The following EYA1 variants were observed in gnomAD, a reference collection of about 807,000 sequenced individuals.
EYA1 encodes the protein EYA transcriptional coactivator and phosphatase 1.
In EYA1, 16 loss-of-function variants were observed where a neutral mutation model predicts 82.0. That is an observed-to-expected ratio of 0.20 (90% confidence interval 0.13 to 0.30). The LOEUF (loss-of-function observed/expected upper bound fraction) is 0.30, where lower values mean the gene tolerates loss of function less well. Ranked by LOEUF, EYA1 falls within the 10% of genes least tolerant of loss-of-function variation. The pLI, the probability that EYA1 is intolerant of heterozygous loss-of-function variation, is 1.00. For missense variants in EYA1, 633 were observed against 730.7 expected (o/e 0.87, Z 1.54); for synonymous variants, 261 against 264.4 (o/e 0.99, Z 0.12).
At chr8:71,317,216 T>C (rs955380754) in intron 7 of EYA1, among the ~76,000 whole-genome samples, 1 of 152,222 alleles carries the variant, frequency 6.6e-6, no homozygotes, top group African/African-American at 2.4e-5. Flanking sequence ...GTACATGCCA[T>C]ATCACAACCT....
intron 11 of EYA1, among the ~76,000 whole-genome samples, chr8:71,269,380 T>C (rs1816242344): frequency 6.6e-6 from 1 of 152,168 alleles, no homozygotes; most frequent in African/African-American, 2.4e-5. Flanking sequence ...ATTTGCTCCA[T>C]TAAATGTTAG....
In EYA1 at chr8:71,412,431, A is replaced by T. The variant is rs866531424; in HGVS notation, c.34-55920T>A. Among the ~76,000 whole-genome samples, 812 of 151,170 alleles carry T rather than the reference A, an allele frequency of 5.4e-3. 6 individuals carry two copies. Among genetic ancestry groups the T allele is most frequent in the African/African-American group, 0.018 (758 of 41,430 alleles). On this transcript the variant is annotated intron_variant, in intron 2 of 18. Coordinates refer to the EYA1 transcript ENST00000643681. ...AAAAATAAAATAAAATAAAATAAAA[A>T]AAAGAAATTGTTGTTCATTTATCTT...
chr8:71,518,130 C>A (rs915077562), intron 2 of EYA1, among the ~76,000 whole-genome samples: 4 of 152,020 alleles, frequency 2.6e-5, no homozygotes, highest in Admixed American at 1.3e-4. Flanking sequence ...ATTGTACAAT[C>A]ATAGAGGATA....
At chr8:71,211,973 G>A (rs976133077) in intron 16 of EYA1, among the ~76,000 whole-genome samples, 2 of 152,140 alleles carry the variant, frequency 1.3e-5, no homozygotes, top group Admixed American at 1.3e-4. Flanking sequence ...ACCCTTATCT[G>A]TCTACTATCT....
At chr8:71,238,743 C>T (rs1408403636) in intron 12 of EYA1, among the ~76,000 whole-genome samples, 2 of 152,128 alleles carry the variant, frequency 1.3e-5, no homozygotes, top group African/African-American at 2.4e-5. Context: ...ATCAAATTAT[C>T]TACAAAAATA....
chr8:71,292,585 A>C (rs1448545720), intron 9 of EYA1, among the ~76,000 whole-genome samples: 2 of 152,076 alleles, frequency 1.3e-5, no homozygotes, highest in Non-Finnish European at 2.9e-5. Flanking sequence ...AATCTGTAAG[A>C]TGTTAATATC....
chr8:71,521,882 CT>C (rs1167050155), intron 2 of EYA1, among the ~76,000 whole-genome samples: 1 of 152,018 alleles, frequency 6.6e-6, no homozygotes, highest in Non-Finnish European at 1.5e-5. Context: ...ATCTGAGCTT[CT>C]ATTAGAAAGA....
chr8:71,525,951 G>C (rs1011905275), intron 2 of EYA1, among the ~76,000 whole-genome samples: 2 of 152,202 alleles, frequency 1.3e-5, no homozygotes, highest in African/African-American at 4.8e-5. Context: ...GACAGAGGGA[G>C]TGTGGTTGTT....
At position 71,302,563 on chromosome 8, in the gene EYA1, C is replaced by T. The variant is rs368028941; in HGVS notation, c.557-2843G>A. On this transcript the variant is annotated intron_variant, in intron 7 of 17. Transcript: ENST00000340726. The stretch of plus-strand genomic sequence containing the variant: ...GCCGAAACAGGAGTTTAATGGCACC[C>T]CAGTGGCTTTGGAGACTTAATGCAA... Among the ~76,000 whole-genome samples, 14 of 101,020 alleles carry T rather than the reference C, an allele frequency of 1.4e-4. 3 individuals carry two copies. The highest frequency in any genetic ancestry group is 1.2e-3 in the East Asian group (4 of 3,422). 66.3% of individuals were successfully genotyped at this position (101,020 alleles called of 152,430 possible).
chr8:71,463,525 C>A (rs1205222179), intron 2 of EYA1, among the ~76,000 whole-genome samples: 1 of 150,920 alleles, frequency 6.6e-6, no homozygotes, highest in Admixed American at 6.6e-5. Context: ...CTGATACTGA[C>A]ATTTGAAATC....
rs1326367793 is a variant in EYA1 at position 71,215,678 on chromosome 8, T to A, written c.1411A>T (p.Ile471Phe). The A allele has an allele frequency of 6.2e-7, 1 of 1,614,158 alleles. No individual in the cohort carries two copies. The highest frequency in any genetic ancestry group is 2.2e-5 in the East Asian group (1 of 44,874). Residue 471 changes from isoleucine to phenylalanine, a missense_variant, in exon 15 of 18, where the codon ATT becomes TTT. Coordinates refer to ENST00000340726, the MANE Select transcript of EYA1 (RefSeq NM_000503.6). ...REAWLQLRAE[I>F]EALTDSWLTL... ...AACCAGGAGTCGGTCAGGGCTTCAA[T>A]TTCGGCCCTCAACTGCAGCCAGGCT...
intron 3 of EYA1, among the ~76,000 whole-genome samples, chr8:71,343,491 C>G (rs1825378259): frequency 6.6e-6 from 1 of 152,106 alleles, no homozygotes; most frequent in African/African-American, 2.4e-5. Flanking sequence ...GAGAGGGAAA[C>G]TGGCGGCTTT....
At chr8:71,438,679 G>A (rs979391910) in intron 2 of EYA1, among the ~76,000 whole-genome samples, 1 of 152,080 alleles carries the variant, frequency 6.6e-6, no homozygotes, top group African/African-American at 2.4e-5. Flanking sequence ...AGAAAGGAAG[G>A]AGCGTCCAAG....
At chr8:71,276,207 A>G (rs902584208) in intron 9 of EYA1, among the ~76,000 whole-genome samples, 1 of 152,244 alleles carries the variant, frequency 6.6e-6, no homozygotes, top group Non-Finnish European at 1.5e-5. Flanking sequence ...ATCCTTTGTT[A>G]TCTTGCACTA....
intron 9 of EYA1, among the ~76,000 whole-genome samples, chr8:71,284,267 C>T (rs1435171158): frequency 6.6e-6 from 1 of 152,182 alleles, no homozygotes; most frequent in African/African-American, 2.4e-5. Flanking sequence ...AGTAAGGGGA[C>T]CTTCTTTCCT....
At chr8:71,203,536 G>GT (rs1295770775) in intron 17 of EYA1, among the ~76,000 whole-genome samples, 5 of 152,168 alleles carry the variant, frequency 3.3e-5, no homozygotes, top group African/African-American at 1.2e-4. Context: ...AGTGGATAGG[G>GT]TTCCCAGTTA....
chr8:71,258,227 A>T (rs1297563779), intron 11 of EYA1, among the ~76,000 whole-genome samples: 1 of 152,218 alleles, frequency 6.6e-6, no homozygotes, highest in African/African-American at 2.4e-5. Flanking sequence ...CTGTTTATGT[A>T]TTCTATAAAT....
intron 2 of EYA1, among the ~76,000 whole-genome samples, chr8:71,532,172 T>C (rs1222095826): frequency 1.3e-5 from 2 of 152,134 alleles, no homozygotes; most frequent in Non-Finnish European, 2.9e-5. Context: ...TAGCTTCAAA[T>C]CTCACAATGA....
intron 2 of EYA1, among the ~76,000 whole-genome samples, chr8:71,478,596 C>A (rs1235282308): frequency 6.6e-6 from 1 of 152,146 alleles, no homozygotes; most frequent in Non-Finnish European, 1.5e-5. Context: ...AGCCACTCAG[C>A]CAGAAATGGT....
Sources: allele counts gnomAD v4.1 joint callset (sites outside exome capture counted in the v4.1 genomes callset), GRCh38; gene constraint gnomAD v4.1.1; transcripts MANE v1.5; gene names NCBI Gene and HGNC (gene_info 2026-07-23, HGNC 2026-07-21).